ANAPC11: variants seen among roughly 807,000 people sequenced by gnomAD.
The protein encoded by ANAPC11 is anaphase promoting complex subunit 11, also known as anaphase-promoting complex subunit 11.
Under a neutral mutation model 11.8 loss-of-function variants are expected in ANAPC11, and 5 were observed. That is an observed-to-expected ratio of 0.42 (90% CI 0.22 to 0.89). The LOEUF (loss-of-function observed/expected upper bound fraction) is 0.89, where lower values mean the gene tolerates loss of function less well. Ranked by LOEUF, ANAPC11 falls within the 40% of genes least tolerant of loss-of-function variation. The pLI is 0.28. For missense variants in ANAPC11, 68 were observed against 112.9 expected (o/e 0.60, Z 1.80); for synonymous variants, 45 against 41.0 (o/e 1.10, Z -0.38).
chr17:81,891,611 A>T, upstream of ANAPC11: 1 of 1,366,770 alleles, frequency 7.3e-7, no homozygotes. Context: ...GCACGCCGGC[A>T]CGTCACTTCC....
Position 81,900,212 on chromosome 17 carries a change from CT to C in ANAPC11, c.*151del. Reference sequence around the variant, plus strand: ...TTGTTTTGCCATCACTATGTTGACACTTTTATCCAATAAGTGAAAACTCATT... The same window carrying C: ...TTGTTTTGCCATCACTATGTTGACACTTTATCCAATAAGTGAAAACTCATT... On this transcript the variant is annotated 3_prime_UTR_variant, in exon 4 of 4. Transcript: ENST00000344877. 7.8e-7 allele frequency: 1 copy of C among 1,283,294 alleles called. No homozygotes were observed. Among genetic ancestry groups the C allele is most frequent in the East Asian group, 2.5e-5 (1 of 39,254 alleles). 79.5% of individuals were successfully genotyped at this position (1,283,294 alleles called of 1,614,324 possible).
intron 1 of ANAPC11, among the ~76,000 whole-genome samples, chr17:81,892,272 A>C (rs1292588078): frequency 6.6e-6 from 1 of 151,922 alleles, no homozygotes; most frequent in Non-Finnish European, 1.5e-5. Context: ...CAGGAGTTTG[A>C]GACCAGCCGG....
At chr17:81,899,210 A>C in intron 3 of ANAPC11, 1 of 1,599,814 alleles carries the variant, frequency 6.3e-7, no homozygotes, top group Non-Finnish European at 8.5e-7. Flanking sequence ...TCTCTTGATC[A>C]TGGCTGATAC....
At chr17:81,891,233 C>T (rs921595845), upstream of ANAPC11, 36 of 1,041,992 alleles carry the variant, frequency 3.5e-5, no homozygotes, top group Non-Finnish European at 3.8e-5. Context: ...CTTATCCACC[C>T]GCCGGCCCGG....
At chr17:81,899,395 C>A in intron 3 of ANAPC11, 1 of 1,613,948 alleles carries the variant, frequency 6.2e-7, no homozygotes, top group Non-Finnish European at 8.5e-7. Context: ...AGGGAAGAGT[C>A]TTCTAGGTCC....
At chr17:81,894,721 T>G in intron 3 of ANAPC11, 135 bp downstream of exon 3, 1 of 480,148 alleles carries the variant, frequency 2.1e-6, no homozygotes, top group Non-Finnish European at 3.5e-6. Flanking sequence ...TTTTCTTTTT[T>G]TTTTTTTTTT....
At chr17:81,891,581 C>T (rs2143505356), upstream of ANAPC11, 1 of 1,426,552 alleles carries the variant, frequency 7.0e-7, no homozygotes, top group Non-Finnish European at 9.2e-7. Context: ...AATCGGGCAT[C>T]GGCTCGAGCC....
chr17:81,899,563 C>T, intron 3 of ANAPC11: 1 of 1,606,598 alleles, frequency 6.2e-7, no homozygotes, highest in South Asian at 1.1e-5. Context: ...GCCCTTTTTC[C>T]CCAGCCTCAA....
At chr17:81,893,943 C>A (rs922391796) in intron 2 of ANAPC11, among the ~76,000 whole-genome samples, 3 of 151,762 alleles carry the variant, frequency 2.0e-5, no homozygotes, top group African/African-American at 7.3e-5. Flanking sequence ...AGCCCTGACC[C>A]TCTGGGCCCA....
chr17:81,893,011 G>GC (rs1438276084), intron 1 of ANAPC11: 1 of 145,868 alleles, frequency 6.9e-6, no homozygotes, highest in African/African-American at 2.5e-5. Flanking sequence ...ACCACAGCTG[G>GC]CTTTTTTTTT....
At chr17:81,898,798 C>T (rs1481304348) in intron 3 of ANAPC11, 1 of 172,356 alleles carries the variant, frequency 5.8e-6, no homozygotes, top group Non-Finnish European at 1.2e-5. Flanking sequence ...ATGAGTCACC[C>T]TCAGTGCATC....
upstream of ANAPC11, chr17:81,891,595 G>C: frequency 5.7e-6 from 8 of 1,406,064 alleles, no homozygotes; most frequent in Non-Finnish European, 7.4e-6. Flanking sequence ...TCGAGCCCGC[G>C]CGTCAGCACG....
chr17:81,891,599 C>T, upstream of ANAPC11: 1 of 1,394,028 alleles, frequency 7.2e-7, no homozygotes, highest in Non-Finnish European at 9.4e-7. Flanking sequence ...GCCCGCGCGT[C>T]AGCACGCCGG....
chr17:81,895,033 T>TTTTC (rs1170834166), intron 3 of ANAPC11, among the ~76,000 whole-genome samples: 1 of 149,438 alleles, frequency 6.7e-6, no homozygotes, highest in Non-Finnish European at 1.5e-5. Flanking sequence ...TTTTATTTTC[T>TTTTC]TTTCTTTCTT....
intron 1 of ANAPC11, chr17:81,893,065 G>C (rs946060278): frequency 6.6e-6 from 1 of 150,850 alleles, no homozygotes; most frequent in Non-Finnish European, 1.5e-5. Flanking sequence ...CTGGAGTGCA[G>C]TGGTGCGATC....
At chr17:81,895,052 T>C (rs906951340) in intron 3 of ANAPC11, among the ~76,000 whole-genome samples, 7 of 131,676 alleles carry the variant, frequency 5.3e-5, no homozygotes, top group African/African-American at 2.1e-4. Flanking sequence ...TTTCTTTTCT[T>C]TTTTTTTTTT....
At chr17:81,895,565 C>A (rs2039712638) in intron 3 of ANAPC11, among the ~76,000 whole-genome samples, 1 of 152,144 alleles carries the variant, frequency 6.6e-6, no homozygotes, top group African/African-American at 2.4e-5. Flanking sequence ...TATTCCAGCA[C>A]TGTGGGAGGC....
intron 3 of ANAPC11, chr17:81,899,511 C>G (rs146931437): frequency 9.3e-6 from 15 of 1,613,922 alleles, no homozygotes; most frequent in Non-Finnish European, 1.3e-5. Flanking sequence ...CATCACAGAT[C>G]AAGTGTCTGC....
At chr17:81,890,856 G>C (rs1340323433), upstream of ANAPC11, 6 of 1,613,824 alleles carry the variant, frequency 3.7e-6, no homozygotes, top group African/African-American at 4.0e-5. Context: ...AGATCTGTGA[G>C]TCTCAGTCCA....
Sources: allele counts gnomAD v4.1 joint callset (sites outside exome capture counted in the v4.1 genomes callset), GRCh38; gene constraint gnomAD v4.1.1; transcripts MANE v1.5; gene names NCBI Gene and HGNC (gene_info 2026-07-23, HGNC 2026-07-21).